The following KCNN2 variants were observed in gnomAD, a reference collection of about 807,000 sequenced individuals.
The protein encoded by KCNN2 is small conductance calcium-activated potassium channel protein 2.
KCNN2 carries 24 observed loss-of-function variants against 55.5 expected under a neutral mutation model. That is an observed-to-expected ratio of 0.43 (90% CI 0.31 to 0.61). The LOEUF is 0.61. KCNN2 is among the 20% of genes least tolerant of loss of function. The pLI is 0.08. For synonymous variants in KCNN2, 431 were observed against 336.1 expected (o/e 1.28, Z -3.09); for missense variants, 754 against 853.6 (o/e 0.88, Z 1.45).
intron 1 of KCNN2, among the ~76,000 whole-genome samples, chr5:114,089,872 T>C (rs1315064863): frequency 2.0e-5 from 3 of 152,204 alleles, no homozygotes; most frequent in Non-Finnish European, 4.4e-5. Flanking sequence ...GATCTCCCTT[T>C]TATATACTTC....
intron 3 of KCNN2, among the ~76,000 whole-genome samples, chr5:114,452,466 T>C (rs1256884430): frequency 6.6e-6 from 1 of 152,212 alleles, no homozygotes; most frequent in Non-Finnish European, 1.5e-5. Context: ...TTTAAGCTTC[T>C]CATGAATGCT....
chr5:114,319,969 A>G (rs1020032026), intron 2 of KCNN2, among the ~76,000 whole-genome samples: 1 of 152,098 alleles, frequency 6.6e-6, no homozygotes, highest in Admixed American at 6.5e-5. Context: ...AAAGACTTCT[A>G]TTTTCAGTTG....
chr5:114,258,710 C>G (rs1301626449), intron 2 of KCNN2, among the ~76,000 whole-genome samples: 2 of 152,136 alleles, frequency 1.3e-5, no homozygotes, highest in Admixed American at 6.5e-5. Context: ...CATCGTGGTG[C>G]TTGGGACACT....
intron 3 of KCNN2, among the ~76,000 whole-genome samples, chr5:114,439,235 C>T (rs566556706): frequency 6.6e-6 from 1 of 152,176 alleles, no homozygotes; most frequent in South Asian, 2.1e-4. Flanking sequence ...TAAGCTGGCT[C>T]TCACGCTTCA....
chr5:114,344,155 A>C (rs563116981), intron 2 of KCNN2, among the ~76,000 whole-genome samples: 1 of 152,310 alleles, frequency 6.6e-6, no homozygotes, highest in African/African-American at 2.4e-5. Flanking sequence ...CAAGACTGCC[A>C]GGTTGGCCCA....
chr5:114,323,202 T>C (rs1756646310), intron 2 of KCNN2, among the ~76,000 whole-genome samples: 1 of 152,204 alleles, frequency 6.6e-6, no homozygotes, highest in Non-Finnish European at 1.5e-5. Context: ...ACAGTAAAGC[T>C]CCTCAGTAGG....
intron 2 of KCNN2, among the ~76,000 whole-genome samples, chr5:114,258,522 C>T (rs1466777193): frequency 1.3e-5 from 2 of 151,988 alleles, no homozygotes; most frequent in African/African-American, 4.8e-5. Context: ...TCTCACTACT[C>T]ATTGTTGGTT....
chr5:114,126,143 C>A (rs1244849497), intron 1 of KCNN2, among the ~76,000 whole-genome samples: 1 of 152,042 alleles, frequency 6.6e-6, no homozygotes, highest in Non-Finnish European at 1.5e-5. Flanking sequence ...GTTCAAGTCA[C>A]CCCCTTTCAT....
chr5:114,247,705 A>T (rs1304213706), intron 2 of KCNN2, among the ~76,000 whole-genome samples: 7 of 152,190 alleles, frequency 4.6e-5, no homozygotes, highest in Admixed American at 4.6e-4. Flanking sequence ...CTTAAGTAGT[A>T]GCTTAGATTT....
At chr5:114,138,660 G>A (rs1420424518) in intron 1 of KCNN2, among the ~76,000 whole-genome samples, 1 of 152,048 alleles carries the variant, frequency 6.6e-6, no homozygotes, top group Non-Finnish European at 1.5e-5. Context: ...TTAGGGCAGG[G>A]GTTCTCTCAT....
chr5:114,277,363 C>G lies in KCNN2; in HGVS notation c.-185+55798C>G, dbSNP rs187780545. Among the ~76,000 whole-genome samples, 388 of 152,176 alleles carry G rather than the reference C, an allele frequency of 2.5e-3. 1 individual carries two copies. The highest frequency in any genetic ancestry group is 9.0e-3 in the African/African-American group (375 of 41,534). On this transcript the variant is annotated intron_variant, in intron 2 of 10. Transcript: ENST00000512097. ...TATCTTTGTGGTGTTCTCTGTGTTT[C>G]CTGAATTTGGATGTTGGCCTGCCTT...
chr5:114,363,627 G>C (rs1727445621), intron 1 of KCNN2, among the ~76,000 whole-genome samples: 1 of 152,156 alleles, frequency 6.6e-6, no homozygotes, highest in Non-Finnish European at 1.5e-5. Flanking sequence ...CTCTGGTTTT[G>C]CTAGCCTGGA....
At chr5:114,145,819 G>A (rs1366558620) in intron 1 of KCNN2, among the ~76,000 whole-genome samples, 2 of 152,172 alleles carry the variant, frequency 1.3e-5, no homozygotes, top group Non-Finnish European at 2.9e-5. Flanking sequence ...GTCATCAGGA[G>A]GGGGCAGAGG....
At chr5:114,207,985 A>G (rs577056604) in intron 1 of KCNN2, among the ~76,000 whole-genome samples, 3 of 152,180 alleles carry the variant, frequency 2.0e-5, no homozygotes, top group Non-Finnish European at 4.4e-5. Context: ...TCAGAACTAA[A>G]TGCCACAGTG....
intron 2 of KCNN2, among the ~76,000 whole-genome samples, chr5:114,316,316 T>C (rs952592914): frequency 5.9e-5 from 9 of 152,168 alleles, no homozygotes; most frequent in African/African-American, 2.2e-4. Context: ...AAAACTATTC[T>C]CTTAGAATCA....
intron 1 of KCNN2, among the ~76,000 whole-genome samples, chr5:114,164,698 C>T (rs1476362324): frequency 6.6e-6 from 1 of 152,062 alleles, no homozygotes; most frequent in African/African-American, 2.4e-5. Flanking sequence ...TGCAAATGCG[C>T]ATTTTGGATG....
intron 2 of KCNN2, among the ~76,000 whole-genome samples, chr5:114,377,247 A>G (rs1757972120): frequency 6.6e-6 from 1 of 151,988 alleles, no homozygotes; most frequent in South Asian, 2.1e-4. Context: ...TTCATTTAGG[A>G]ATATTCCTGG....
chr5:114,332,987 C>T (rs890289917), intron 2 of KCNN2, among the ~76,000 whole-genome samples: 2 of 152,114 alleles, frequency 1.3e-5, no homozygotes, highest in Admixed American at 6.5e-5. Context: ...TTATACAATA[C>T]CTGGTCTCGC....
intron 1 of KCNN2, among the ~76,000 whole-genome samples, chr5:114,217,470 T>C (rs1328877865): frequency 6.6e-6 from 1 of 151,884 alleles, no homozygotes; most frequent in Non-Finnish European, 1.5e-5. Context: ...ACTAAGCAAA[T>C]ATAGTCAAGG....
Sources: gnomAD v4.1 joint callset for allele counts (sites outside exome capture counted in the v4.1 genomes callset) on GRCh38, gnomAD v4.1.1 for gene constraint, MANE v1.5 for transcripts, NCBI Gene and HGNC (gene_info 2026-07-23, HGNC 2026-07-21) for gene names.